The following ZNF518B variants were observed in gnomAD, a reference collection of about 807,000 sequenced individuals.
The protein encoded by ZNF518B is zinc finger protein 518B.
In ZNF518B, 23 loss-of-function variants were observed where a neutral mutation model predicts 56.3. The ratio of observed to expected loss-of-function variants is 0.41; its 90% confidence interval spans 0.29 to 0.58. The LOEUF is 0.58. Among genes scored for constraint, ZNF518B ranks in the 20% least tolerant of loss-of-function variants. ZNF518B has a pLI of 0.32. For synonymous variants in ZNF518B, 529 were observed against 465.9 expected (o/e 1.14, Z -1.74); for missense variants, 1,460 against 1,272.1 (o/e 1.15, Z -2.25).
intron 2 of ZNF518B, chr4:10,453,632 G>C (rs1715415656): frequency 6.6e-6 from 1 of 152,044 alleles, no homozygotes; most frequent in Non-Finnish European, 1.5e-5. Context: ...GTAAAAATAA[G>C]GTAGTATCAC....
Position 10,445,272 on chromosome 4 carries a change from C to T in ZNF518B, c.1057G>A (p.Val353Ile), listed in dbSNP as rs1360837864. 1 of 1,614,092 alleles carries T rather than the reference C, an allele frequency of 6.2e-7. No individual in the cohort carries two copies. The highest frequency in any genetic ancestry group is 2.2e-5 in the East Asian group (1 of 44,882). Reference sequence around the variant, plus strand: ...AGAACAAGCTGCTGTGTACCATTGACAACCTTCACATCTATCAACTGGGCT... The same window carrying T: ...AGAACAAGCTGCTGTGTACCATTGATAACCTTCACATCTATCAACTGGGCT... Reference protein sequence around the residue: ...CLAQLIDVKVVNGTQQLVLKL... With the variant: ...CLAQLIDVKVINGTQQLVLKL... The change falls in exon 3 of 3, where the codon GTC (valine) becomes ATC (isoleucine). Residue 353 changes from valine to isoleucine, a missense_variant. By Grantham distance (29) the Val-to-Ile change is conservative. Transcript: ENST00000326756.
chr4:10,445,196 T>G lies in ZNF518B; in HGVS notation c.1133A>C (p.Asn378Thr). 6.2e-7 allele frequency: 1 copy of G among 1,614,222 alleles called. No homozygotes were observed. The highest frequency in any genetic ancestry group is 1.1e-5 in the South Asian group (1 of 91,078). ...CACCATACGTTCAGAATTACCTCCA[T>G]TATCCCTCCCAGCTTCAAGGCAATT... The part of the protein sequence containing the change: ...ENNCLEAGRD[N>T]GGNSERMVKE... The change falls in exon 3 of 3, where the codon AAT becomes ACT. Residue 378 changes from asparagine to threonine, a missense_variant. Coordinates refer to ENST00000326756, the MANE Select transcript of ZNF518B (RefSeq NM_053042.3).
intron 2 of ZNF518B, among the ~76,000 whole-genome samples, chr4:10,448,264 G>A (rs1478103160): frequency 6.6e-6 from 1 of 152,160 alleles, no homozygotes; most frequent in Non-Finnish European, 1.5e-5. Flanking sequence ...CTCAGTCAGT[G>A]TTTGTTCAAT....
rs1560170354 is a variant in ZNF518B, at chr4:10,445,118, T to G, written c.1211A>C (p.Lys404Thr). The change falls in exon 3 of 3, where the codon AAG (lysine) becomes ACG (threonine). Residue 404 changes from lysine (K) to threonine (T), a missense_variant. By Grantham distance (78) the Lys-to-Thr change is moderately conservative. Coordinates refer to ENST00000326756, the MANE Select transcript of ZNF518B (RefSeq NM_053042.3). ...AACATTCCCGTCAACTGTCAGTGAC[T>G]TTGTTTTTTCTGCAGAAAGTACTTT... ...QEKVLSAEKT[K>T]SLTVDGNVGK... The G allele has an allele frequency of 6.2e-7, 1 of 1,614,170 alleles. No individual in the cohort carries two copies. Among genetic ancestry groups the G allele is most frequent in the Admixed American group, 1.7e-5 (1 of 60,022 alleles).
In ZNF518B at chr4:10,446,422, G is replaced by C. The variant is rs756138885; in HGVS notation, c.-94C>G. On this transcript the variant is annotated 5_prime_UTR_variant, in exon 3 of 3. Coordinates refer to ENST00000326756, the MANE Select transcript of ZNF518B (RefSeq NM_053042.3). ...ATATCCTTCTATACAGTTTGTGATG[G>C]GTAGGGGCGCAGCTACTTCTTGGGT... 1.7e-6 allele frequency: 2 copies of C among 1,210,298 alleles called. No individual in the cohort carries two copies. Among genetic ancestry groups the C allele is most frequent in the Non-Finnish European group, 2.3e-6 (2 of 852,104 alleles). 75.0% of individuals were successfully genotyped at this position (1,210,298 alleles called of 1,614,324 possible).
In ZNF518B at chr4:10,444,529, T is replaced by C. The variant is rs776197032; in HGVS notation, c.1800A>G (p.Ile600Met). 18 of 1,614,022 alleles carry C rather than the reference T, an allele frequency of 1.1e-5. No homozygotes were observed. The highest frequency in any genetic ancestry group is 1.7e-5 in the Admixed American group (1 of 60,008). ...SSQHKSEYLH[I>M]NITGEDRSQQ... ...GAGATCTATCTTCTCCAGTTATGTT[T>C]ATATGTAAATACTCACTCTTATGTT... Residue 600 changes from isoleucine to methionine, a missense_variant, in exon 3 of 3, where the codon ATA (isoleucine) becomes ATG (methionine). Transcript: ENST00000326756.
chr4:10,445,159 A>C lies in ZNF518B; in HGVS notation c.1170T>G (p.Gly390=). The change falls in exon 3 of 3, where the codon GGT becomes GGG. Residue 390 remains glycine, a synonymous_variant. Coordinates refer to ENST00000326756, the MANE Select transcript of ZNF518B (RefSeq NM_053042.3). ...AAAGTACTTTTTCTTGTTCATTTGA[A>C]CCCTTCTCTTTCACCATACGTTCAG... is the stretch of plus-strand genomic sequence containing the variant. ...GNSERMVKEK[G]SNEQEKVLSA... is the part of the protein sequence containing the mutation. The C allele has an allele frequency of 6.2e-7, 1 of 1,613,798 alleles. No individual in the cohort carries two copies. The highest frequency in any genetic ancestry group is 8.5e-7 in the Non-Finnish European group (1 of 1,179,950).
intron 1 of ZNF518B, 162 bp downstream of exon 1, chr4:10,457,155 C>CCAGCCCT (rs1167518157): frequency 1.3e-5 from 2 of 148,814 alleles, no homozygotes; most frequent in African/African-American, 4.9e-5. Context: ...TGCCACGACG[C>CCAGCCCT]CAGCCCTCAG....
At chr4:10,453,046 CA>C (rs1327608122) in intron 2 of ZNF518B, 1 of 152,164 alleles carries the variant, frequency 6.6e-6, no homozygotes, top group Non-Finnish European at 1.5e-5. Context: ...GAACAAGGTT[CA>C]AAACCTAGGT....
At position 10,444,999 on chromosome 4, in the gene ZNF518B, T is replaced by C. The variant is rs981874256; in HGVS notation, c.1330A>G (p.Asn444Asp). ...WVRSYDFIMP[N>D]SSVHNNGKSF... ...TTTCCATTGTTGTGCACACTAGAAT[T>C]TGGCATAATAAAATCATAAGACCTT... The change falls in exon 3 of 3, where the codon AAT becomes GAT. Residue 444 changes from asparagine (N) to aspartate (D), a missense_variant. Transcript: ENST00000326756. 6.8e-6 allele frequency: 11 copies of C among 1,614,074 alleles called. No individual in the cohort carries two copies. In the African/African-American group the frequency reaches 9.3e-5, roughly 14 times the overall value.
intron 1 of ZNF518B, among the ~76,000 whole-genome samples, chr4:10,456,635 G>A (rs141037145): frequency 0.022 from 3,354 of 152,312 alleles, 52 homozygotes; most frequent in Middle Eastern, 0.041. Flanking sequence ...CAGCATCCGA[G>A]GCGAGCGCGC....
chr4:10,451,392 T>C (rs1715306681), intron 2 of ZNF518B: 1 of 152,210 alleles, frequency 6.6e-6, no homozygotes, highest in Non-Finnish European at 1.5e-5. Flanking sequence ...TTATAAAGTT[T>C]AAAATCCCAG....
In ZNF518B at chr4:10,446,377, C is replaced by CATGATAAA. The variant is rs748741654; in HGVS notation, c.-57_-50dup. ...CCAACTAAAATTCAGAAAGTTTTCA[C>CATGATAAA]ATGATAAAATCCTTAGGAGATATCC... On this transcript the variant is annotated 5_prime_UTR_variant, in exon 3 of 3. It adds an upstream start codon to the 5' untranslated region. Coordinates refer to ENST00000326756, the MANE Select transcript of ZNF518B (RefSeq NM_053042.3). 9 of 1,553,390 alleles carry CATGATAAA rather than the reference C, an allele frequency of 5.8e-6. No homozygotes were observed. Among genetic ancestry groups the CATGATAAA allele is most frequent in the Non-Finnish European group, 7.0e-6 (8 of 1,136,288 alleles).
chr4:10,449,077 A>G (rs1715192327), intron 2 of ZNF518B, among the ~76,000 whole-genome samples: 1 of 152,238 alleles, frequency 6.6e-6, no homozygotes, highest in Admixed American at 6.5e-5. Flanking sequence ...AGTCATGTCA[A>G]CATTGTTATC....
At position 10,445,628 on chromosome 4, in the gene ZNF518B, C is replaced by T; in HGVS notation, c.701G>A (p.Gly234Glu). 1 of 1,614,054 alleles carries T rather than the reference C, an allele frequency of 6.2e-7. No individual in the cohort carries two copies. Among genetic ancestry groups the T allele is most frequent in the South Asian group, 1.1e-5 (1 of 91,066 alleles). Reference sequence around the variant, plus strand: ...AAGCTCTGGGTTTTGTTTTGAAGTTCCGGTTCTTTTTGGCTCCAGCTTGGC... The same window carrying T: ...AAGCTCTGGGTTTTGTTTTGAAGTTTCGGTTCTTTTTGGCTCCAGCTTGGC... ...AVAKLEPKRTGTSKQNPELLK... is the reference protein window; with the variant it reads ...AVAKLEPKRTETSKQNPELLK... Residue 234 changes from glycine to glutamate, a missense_variant, in exon 3 of 3, where the codon GGA (glycine) becomes GAA (glutamate). By Grantham distance (98) the Gly-to-Glu change is moderately conservative. Coordinates refer to ENST00000326756, the MANE Select transcript of ZNF518B (RefSeq NM_053042.3).
chr4:10,455,575 CCTTA>C (rs769654830), intron 1 of ZNF518B, among the ~76,000 whole-genome samples: 10 of 151,924 alleles, frequency 6.6e-5, no homozygotes, highest in East Asian at 1.9e-4. Context: ...GCCCCGATGC[CCTTA>C]CTTAAAGGCA....
chr4:10,461,363 A>G (rs1178512254), upstream of ZNF518B, among the ~76,000 whole-genome samples: 1 of 152,152 alleles, frequency 6.6e-6, no homozygotes, highest in African/African-American at 2.4e-5. Context: ...CAGTGAGGCT[A>G]GTGGGGCCAC....
chr4:10,459,699 A>C (rs374206285), upstream of ZNF518B, among the ~76,000 whole-genome samples: 27 of 152,318 alleles, frequency 1.8e-4, no homozygotes, highest in African/African-American at 4.6e-4. Flanking sequence ...CAGGGAGAAG[A>C]AGCCATGGAC....
chr4:10,441,494 G>A lies in ZNF518B; in HGVS notation c.*1610C>T, dbSNP rs1714680017. The A allele has an allele frequency of 6.6e-6, 1 of 151,160 alleles. No homozygotes were observed. Among genetic ancestry groups the A allele is most frequent in the Non-Finnish European group, 1.5e-5 (1 of 67,888 alleles). 9.4% of individuals were successfully genotyped at this position (151,160 alleles called of 1,614,324 possible). On this transcript the variant is annotated 3_prime_UTR_variant, in exon 3 of 3. Coordinates refer to ENST00000326756, the MANE Select transcript of ZNF518B (RefSeq NM_053042.3). ...ATCGACTACCCAATAAACAATCACT[G>A]GTGTCTTTTTCAGGTGCAACAACTC...
Sources: allele counts gnomAD v4.1 joint callset (sites outside exome capture counted in the v4.1 genomes callset), GRCh38; gene constraint gnomAD v4.1.1; transcripts MANE v1.5; gene names NCBI Gene and HGNC (gene_info 2026-07-23, HGNC 2026-07-21).